Variants in GABRB1 observed in about 807,000 individuals in gnomAD.
GABRB1 encodes gamma-aminobutyric acid type A receptor subunit beta1, also known as gamma-aminobutyric acid receptor subunit beta-1.
Under a neutral mutation model 51.6 loss-of-function variants are expected in GABRB1, and 17 were observed. The ratio of observed to expected loss-of-function variants is 0.33; its 90% CI spans 0.23 to 0.49. The LOEUF (loss-of-function observed/expected upper bound fraction) is 0.49. Ranked by LOEUF, GABRB1 falls within the 20% of genes least tolerant of loss-of-function variation. GABRB1 has a pLI of 0.99. For missense variants in GABRB1, 410 were observed against 600.6 expected (o/e 0.68, Z 3.32); for synonymous variants, 247 against 218.9 (o/e 1.13, Z -1.14).
intron 5 of GABRB1, among the ~76,000 whole-genome samples, chr4:47,373,466 C>A (rs1727279267): frequency 6.6e-6 from 1 of 152,166 alleles, no homozygotes; most frequent in Non-Finnish European, 1.5e-5. Context: ...TTGGCATATC[C>A]TAGCCTCAAG....
At chr4:47,283,378 TTTTTTTTTTTTTTTTTTTTTTTTTTG>T (rs1723370314) in intron 4 of GABRB1, among the ~76,000 whole-genome samples, 3 of 85,516 alleles carry the variant, frequency 3.5e-5, no homozygotes, top group Admixed American at 1.2e-4. Flanking sequence ...TTTTTTTTTT[TTTTTTTTTTTTTTTTTTTTTTTTTTG>T]AGACAGAGTC....
chr4:47,079,854 G>C (rs1465894518), intron 3 of GABRB1, among the ~76,000 whole-genome samples: 1 of 106,898 alleles, frequency 9.4e-6, no homozygotes, highest in Non-Finnish European at 1.8e-5. Flanking sequence ...GTTGTGGGGT[G>C]GGGGGAGGGG....
intron 5 of GABRB1, among the ~76,000 whole-genome samples, chr4:47,337,188 A>G (rs1351936859): frequency 1.3e-5 from 2 of 152,122 alleles, no homozygotes; most frequent in African/African-American, 4.8e-5. Context: ...GGTTGCCATG[A>G]GCTGAAATAG....
intron 3 of GABRB1, among the ~76,000 whole-genome samples, chr4:47,093,671 T>A (rs1714249830): frequency 6.6e-6 from 1 of 152,218 alleles, no homozygotes; most frequent in Non-Finnish European, 1.5e-5. Context: ...AAGTTCTTAA[T>A]CAAAAGTGTT....
intron 4 of GABRB1, among the ~76,000 whole-genome samples, chr4:47,209,031 T>C (rs1247365884): frequency 6.6e-6 from 1 of 152,168 alleles, no homozygotes; most frequent in Non-Finnish European, 1.5e-5. Flanking sequence ...GTACTATCAG[T>C]GTTATAAAGT....
chr4:47,403,109 G>T (rs778112944), intron 5 of GABRB1, among the ~76,000 whole-genome samples: 3 of 152,162 alleles, frequency 2.0e-5, no homozygotes, highest in Non-Finnish European at 2.9e-5. Context: ...CAGAGCTTAA[G>T]TCCAGTAAAG....
intron 3 of GABRB1, among the ~76,000 whole-genome samples, chr4:47,053,729 G>A (rs1172111350): frequency 3.3e-5 from 5 of 152,204 alleles, no homozygotes; most frequent in Admixed American, 6.5e-5. Flanking sequence ...GAGTGACCGA[G>A]CTGAGAGATT....
chr4:47,049,740 A>G (rs1029930951), intron 3 of GABRB1, among the ~76,000 whole-genome samples: 1 of 152,212 alleles, frequency 6.6e-6, no homozygotes, highest in Non-Finnish European at 1.5e-5. Context: ...TACAGAAACA[A>G]AAAAACAAAA....
At chr4:47,250,642 C>T (rs1206092348) in intron 4 of GABRB1, among the ~76,000 whole-genome samples, 1 of 152,020 alleles carries the variant, frequency 6.6e-6, no homozygotes, top group Admixed American at 6.6e-5. Flanking sequence ...AGGCTTTGTT[C>T]ATATTTTCTT....
At chr4:47,238,026 A>G (rs1721392254) in intron 4 of GABRB1, among the ~76,000 whole-genome samples, 1 of 151,990 alleles carries the variant, frequency 6.6e-6, no homozygotes, top group Admixed American at 6.6e-5. Flanking sequence ...ACTCAATCAA[A>G]AAACATGTAA....
At chr4:47,032,727 CTG>C (rs1331425157) in intron 3 of GABRB1, 2 of 698,820 alleles carry the variant, frequency 2.9e-6, no homozygotes, top group East Asian at 2.8e-5. Flanking sequence ...GGACGAGTGA[CTG>C]TTGCGCCGTG....
chr4:47,123,771 T>C (rs1487420571), intron 3 of GABRB1, among the ~76,000 whole-genome samples: 1 of 87,042 alleles, frequency 1.1e-5, no homozygotes, highest in African/African-American at 4.7e-5. Context: ...ATATATTATA[T>C]ATCATATATT....
chr4:47,244,609 T>C (rs1034554011), intron 4 of GABRB1, among the ~76,000 whole-genome samples: 5 of 152,108 alleles, frequency 3.3e-5, no homozygotes, highest in African/African-American at 1.2e-4. Flanking sequence ...GGTTTAGTCT[T>C]GGGAGGGTGT....
intron 5 of GABRB1, among the ~76,000 whole-genome samples, chr4:47,382,560 C>A (rs1239183316): frequency 6.6e-6 from 1 of 152,134 alleles, no homozygotes; most frequent in Admixed American, 6.6e-5. Context: ...AGATTATTGG[C>A]CCCATTTCCA....
At chr4:47,350,200 T>TAGAGAGAGAG (rs1440025559) in intron 5 of GABRB1, among the ~76,000 whole-genome samples, 1 of 87,736 alleles carries the variant, frequency 1.1e-5, no homozygotes, top group South Asian at 4.2e-4. Context: ...TATATATATA[T>TAGAGAGAGAG]ATATATATAT....
At position 47,161,446 on chromosome 4, in the gene GABRB1, T is replaced by C. The variant is rs971578138; in HGVS notation, c.438T>C (p.Asp146=). ...ATCGAATGATTCGACTGCATCCTGA[T>C]GGAACAGTTCTCTATGGACTCCGGT... The part of the protein sequence containing the change: ...VKNRMIRLHP[D]GTVLYGLRIT... Residue 146 remains aspartate (D), a synonymous_variant, in exon 4 of 9, where the codon GAT becomes GAC. Coordinates refer to ENST00000295454, the MANE Select transcript of GABRB1 (RefSeq NM_000812.4). The C allele has an allele frequency of 6.2e-7, 1 of 1,612,242 alleles. No individual in the cohort carries two copies. The highest frequency in any genetic ancestry group is 1.1e-5 in the South Asian group (1 of 91,056).
chr4:47,198,828 A>G (rs1411654074), intron 4 of GABRB1, among the ~76,000 whole-genome samples: 1 of 152,210 alleles, frequency 6.6e-6, no homozygotes, highest in African/African-American at 2.4e-5. Flanking sequence ...GGGAGGCCTC[A>G]GGAAACTTAT....
intron 5 of GABRB1, among the ~76,000 whole-genome samples, chr4:47,363,585 A>G (rs1459937492): frequency 3.9e-5 from 6 of 152,144 alleles, no homozygotes; most frequent in Admixed American, 3.9e-4. Context: ...AAAATAATCT[A>G]TGATCTGGTC....
At position 47,164,733 on chromosome 4, in the gene GABRB1, G is replaced by A. The variant is rs574164158; in HGVS notation, c.461+3264G>A. Among the ~76,000 whole-genome samples, 72 of 152,250 alleles carry A rather than the reference G, an allele frequency of 4.7e-4. 2 individuals carry two copies. In the South Asian group the frequency reaches 0.013, roughly 28 times the overall value. Reference sequence around the variant, plus strand: ...ACATGAAGCCAGAAGAATAGAGTCAGTTGTCTATTTTTGTGAACTATGTCA... The same window carrying A: ...ACATGAAGCCAGAAGAATAGAGTCAATTGTCTATTTTTGTGAACTATGTCA... On this transcript the variant is annotated intron_variant, in intron 4 of 8. Coordinates refer to ENST00000295454, the MANE Select transcript of GABRB1 (RefSeq NM_000812.4).
Sources: gnomAD v4.1 joint callset for allele counts (sites outside exome capture counted in the v4.1 genomes callset) on GRCh38, gnomAD v4.1.1 for gene constraint, MANE v1.5 for transcripts, NCBI Gene and HGNC (gene_info 2026-07-23, HGNC 2026-07-21) for gene names.